Variants in UNC5C observed in about 807,000 individuals in gnomAD.
UNC5C encodes unc-5 netrin receptor C.
A neutral mutation model predicts 99.8 loss-of-function variants in UNC5C; 47 were observed. The ratio of observed to expected loss-of-function variants is 0.47; its 90% CI spans 0.37 to 0.60. The LOEUF (loss-of-function observed/expected upper bound fraction) is 0.60. Among genes scored for constraint, UNC5C ranks in the 20% least tolerant of loss-of-function variants. The pLI, the probability that UNC5C is intolerant of heterozygous loss-of-function variation, is 0.00. For synonymous variants in UNC5C, 487 were observed against 452.2 expected (o/e 1.08, Z -0.98); for missense variants, 1,062 against 1,165.9 (o/e 0.91, Z 1.30).
chr4:95,211,600 G>A (rs998176186), intron 10 of UNC5C, among the ~76,000 whole-genome samples: 1 of 152,126 alleles, frequency 6.6e-6, no homozygotes, highest in Admixed American at 6.5e-5. Context: ...ATGGACATGC[G>A]GATCTTGTAA....
intron 1 of UNC5C, among the ~76,000 whole-genome samples, chr4:95,338,437 A>C (rs1275275888): frequency 6.6e-6 from 1 of 152,096 alleles, no homozygotes; most frequent in African/African-American, 2.4e-5. Flanking sequence ...GCATGACTAT[A>C]GCTACATGTA....
intron 1 of UNC5C, among the ~76,000 whole-genome samples, chr4:95,442,401 T>C (rs1746976128): frequency 7.3e-6 from 1 of 136,298 alleles, no homozygotes; most frequent in Admixed American, 7.9e-5. Flanking sequence ...AGAGACAGGG[T>C]ATCACTATGT....
chr4:95,394,325 G>C (rs958639158), intron 1 of UNC5C, among the ~76,000 whole-genome samples: 2 of 151,770 alleles, frequency 1.3e-5, no homozygotes, highest in African/African-American at 2.4e-5. Context: ...CTCACGAATG[G>C]GGGGTGCTAA....
intron 1 of UNC5C, among the ~76,000 whole-genome samples, chr4:95,466,776 G>A (rs1747791919): frequency 1.3e-5 from 2 of 152,046 alleles, no homozygotes; most frequent in Non-Finnish European, 2.9e-5. Context: ...AGTGACCAGA[G>A]ATATTTTCTT....
At chr4:95,512,311 G>A (rs1325284758) in intron 1 of UNC5C, among the ~76,000 whole-genome samples, 1 of 152,186 alleles carries the variant, frequency 6.6e-6, no homozygotes, top group African/African-American at 2.4e-5. Flanking sequence ...GGTATGAGAA[G>A]TGGATTGGAG....
intron 1 of UNC5C, among the ~76,000 whole-genome samples, chr4:95,390,755 C>T (rs1009929766): frequency 2.0e-5 from 3 of 152,160 alleles, no homozygotes; most frequent in Admixed American, 6.5e-5. Flanking sequence ...GACACAGGGT[C>T]TTGCTCTGTT....
chr4:95,548,232 T>G (rs1487254934), intron 1 of UNC5C, among the ~76,000 whole-genome samples: 1 of 152,048 alleles, frequency 6.6e-6, no homozygotes, highest in African/African-American at 2.4e-5. Context: ...ACACATTTCC[T>G]TAGCTGAGCG....
intron 3 of UNC5C, among the ~76,000 whole-genome samples, chr4:95,285,264 T>C (rs1195885813): frequency 1.3e-5 from 2 of 152,198 alleles, no homozygotes; most frequent in African/African-American, 4.8e-5. Context: ...TAGACTGATA[T>C]TATGAAGCAA....
At chr4:95,526,347 T>C (rs1205148822) in intron 1 of UNC5C, among the ~76,000 whole-genome samples, 2 of 152,112 alleles carry the variant, frequency 1.3e-5, no homozygotes, top group African/African-American at 4.8e-5. Flanking sequence ...TGAGTCACTA[T>C]AATGCACCCA....
chr4:95,405,904 A>C (rs1002756976), intron 1 of UNC5C, among the ~76,000 whole-genome samples: 1 of 152,198 alleles, frequency 6.6e-6, no homozygotes, highest in African/African-American at 2.4e-5. Flanking sequence ...ACTGTATGTC[A>C]TCACAGTAAA....
chr4:95,425,202 A>T (rs910321089), intron 1 of UNC5C, among the ~76,000 whole-genome samples: 3 of 152,230 alleles, frequency 2.0e-5, no homozygotes, highest in African/African-American at 7.2e-5. Context: ...AATCTATTCT[A>T]TATTATCTCA....
intron 1 of UNC5C, among the ~76,000 whole-genome samples, chr4:95,350,916 T>C (rs1287037184): frequency 6.6e-6 from 1 of 152,062 alleles, no homozygotes; most frequent in African/African-American, 2.4e-5. Context: ...GTGAGGGAGC[T>C]TATTCTAGAT....
chr4:95,354,966 T>G (rs1744127794), intron 1 of UNC5C, among the ~76,000 whole-genome samples: 1 of 152,210 alleles, frequency 6.6e-6, no homozygotes, highest in Non-Finnish European at 1.5e-5. Context: ...CTTTGCATAC[T>G]TGGTGCTTAT....
intron 1 of UNC5C, among the ~76,000 whole-genome samples, chr4:95,425,562 T>C (rs140422562): frequency 0.036 from 5,522 of 152,300 alleles, 133 homozygotes; most frequent in African/African-American, 0.067. Flanking sequence ...GACCTCGTGA[T>C]CCGCCCAAAG....
chr4:95,509,942 T>G (rs897459898), intron 1 of UNC5C, among the ~76,000 whole-genome samples: 3 of 152,052 alleles, frequency 2.0e-5, no homozygotes, highest in Admixed American at 2.0e-4. Flanking sequence ...ACAATATTGT[T>G]AGATAGATTC....
chr4:95,177,300 T>G (rs181728339), intron 14 of UNC5C, among the ~76,000 whole-genome samples: 167 of 152,324 alleles, frequency 1.1e-3, no homozygotes, highest in African/African-American at 3.7e-3. Context: ...CCTCACTAGT[T>G]GCCAGAGGAT....
intron 2 of UNC5C, among the ~76,000 whole-genome samples, chr4:95,329,880 A>C (rs1743044900): frequency 6.6e-6 from 1 of 152,136 alleles, no homozygotes; most frequent in African/African-American, 2.4e-5. Flanking sequence ...GAAACCAACC[A>C]ACCAACTGCC....
At chr4:95,408,843 T>C (rs917360327) in intron 1 of UNC5C, among the ~76,000 whole-genome samples, 1 of 152,180 alleles carries the variant, frequency 6.6e-6, no homozygotes, top group African/African-American at 2.4e-5. Flanking sequence ...TAACCTTAAG[T>C]ATAACATGGA....
chr4:95,257,478 A>C (rs1008754311), intron 4 of UNC5C, among the ~76,000 whole-genome samples: 1 of 152,186 alleles, frequency 6.6e-6, no homozygotes, highest in Admixed American at 6.5e-5. Context: ...GATTCAGACA[A>C]TAATTGGAAG....
Sources: gnomAD v4.1 joint callset for allele counts (sites outside exome capture counted in the v4.1 genomes callset) on GRCh38, gnomAD v4.1.1 for gene constraint, MANE v1.5 for transcripts, NCBI Gene and HGNC (gene_info 2026-07-23, HGNC 2026-07-21) for gene names.